Variants in PAM observed in about 807,000 individuals in gnomAD.
PAM encodes the protein peptidylglycine alpha-amidating monooxygenase, also known as peptidyl-glycine alpha-amidating monooxygenase.
PAM carries 72 observed loss-of-function variants against 122.1 expected under a neutral mutation model. The observed-to-expected ratio is 0.59, with a 90% confidence interval of 0.49 to 0.72. PAM has a LOEUF of 0.72. PAM is among the 30% of genes least tolerant of loss of function. PAM has a pLI of 0.00. For missense variants in PAM, 1,106 were observed against 1,183.7 expected, an observed-to-expected ratio of 0.93 and a Z score of 0.96; for synonymous variants, 389 against 404.4, an observed-to-expected ratio of 0.96 and a Z score of 0.46.
At chr5:103,005,635 T>A (rs1778729249) in intron 18 of PAM, among the ~76,000 whole-genome samples, 1 of 152,152 alleles carries the variant, frequency 6.6e-6, no homozygotes, top group African/African-American at 2.4e-5. Context: ...TTGTCCTGAT[T>A]ACCTCCCAAA....
intron 1 of PAM, among the ~76,000 whole-genome samples, chr5:102,772,665 A>G (rs1756123080): frequency 6.6e-6 from 1 of 152,148 alleles, no homozygotes; most frequent in South Asian, 2.1e-4. Context: ...GTCTTAGTTT[A>G]TAGCACTTAT....
intron 22 of PAM, among the ~76,000 whole-genome samples, chr5:103,018,512 C>T (rs1485500754): frequency 6.6e-6 from 1 of 152,128 alleles, no homozygotes; most frequent in Non-Finnish European, 1.5e-5. Context: ...TGCCCATGGA[C>T]TATGCCACTC....
chr5:102,855,107 T>G (rs1782293506), intron 1 of PAM, among the ~76,000 whole-genome samples: 1 of 152,182 alleles, frequency 6.6e-6, no homozygotes, highest in Non-Finnish European at 1.5e-5. Flanking sequence ...TGTTAATGAC[T>G]TCCAGATTAT....
At chr5:102,881,950 C>T (rs973518317) in intron 3 of PAM, among the ~76,000 whole-genome samples, 3 of 149,232 alleles carry the variant, frequency 2.0e-5, no homozygotes, top group Middle Eastern at 3.2e-3. Flanking sequence ...GTTTTCCATT[C>T]CTTAGTTACT....
At chr5:102,861,232 G>A (rs909596932) in intron 1 of PAM, among the ~76,000 whole-genome samples, 3 of 152,122 alleles carry the variant, frequency 2.0e-5, no homozygotes, top group African/African-American at 2.4e-5. Flanking sequence ...AGAGAACCTC[G>A]CAGCTAAGCT....
chr5:102,803,215 AAGGAAGGAAGGAAGGAAGGG>A (rs2150116718), intron 1 of PAM, among the ~76,000 whole-genome samples: 1 of 83,514 alleles, frequency 1.2e-5, no homozygotes, highest in Non-Finnish European at 2.7e-5. Flanking sequence ...GGAAAGAAGG[AAGGAAGGAAGGAAGGAAGGG>A]AAAAGTAATG....
rs755271884 is a variant in PAM, at chr5:103,028,938, G to T, written c.2795G>T (p.Gly932Val). ...GGTAATTTCTTTGCAAGCCGTAAGG[G>T]CTACAGTCGAAAAGGGTTTGACCGG... is the stretch of plus-strand genomic sequence containing the variant. ...NLGNFFASRK[G>V]YSRKGFDRLS... Residue 932 changes from glycine to valine, a missense_variant, in exon 26 of 26, where the codon GGC (glycine) becomes GTC (valine). Gly to Val is a moderately radical substitution (Grantham distance 109). Transcript: ENST00000438793. 5 of 1,613,652 alleles carry T rather than the reference G, an allele frequency of 3.1e-6. No homozygotes were observed. In the Admixed American group the frequency reaches 8.3e-5, roughly 27 times the overall value.
At chr5:102,763,768 A>G (rs1348001809) in intron 1 of PAM, among the ~76,000 whole-genome samples, 3 of 152,222 alleles carry the variant, frequency 2.0e-5, no homozygotes, top group African/African-American at 7.2e-5. Flanking sequence ...GAGAAGAGCT[A>G]CTGTGAGGCT....
intron 1 of PAM, among the ~76,000 whole-genome samples, chr5:102,815,557 C>G (rs889517763): frequency 3.3e-5 from 5 of 152,148 alleles, no homozygotes; most frequent in African/African-American, 9.7e-5. Flanking sequence ...AGTATCCTGC[C>G]CATCCTCTGG....
intron 15 of PAM, among the ~76,000 whole-genome samples, chr5:102,984,822 T>C (rs1771208282): frequency 1.3e-5 from 2 of 152,126 alleles, no homozygotes; most frequent in Admixed American, 6.5e-5. Flanking sequence ...GGATAGACCA[T>C]GTGTTAGGCC....
At chr5:102,880,817 A>G (rs999972915) in intron 3 of PAM, among the ~76,000 whole-genome samples, 6 of 152,168 alleles carry the variant, frequency 3.9e-5, no homozygotes, top group Non-Finnish European at 7.4e-5. Context: ...ACAAGCTAAA[A>G]ATAATAAATA....
At chr5:102,885,094 T>TATAA (rs60241746) in intron 3 of PAM, among the ~76,000 whole-genome samples, 2 of 147,790 alleles carry the variant, frequency 1.4e-5, no homozygotes, top group African/African-American at 2.6e-5. Flanking sequence ...TATATATATA[T>TATAA]AACTATAAAA....
chr5:103,028,348 C>G, intron 25 of PAM, 110 bp downstream of exon 25: 1 of 763,872 alleles, frequency 1.3e-6, no homozygotes, highest in South Asian at 1.6e-5. Context: ...GATAAAGCAC[C>G]TTGTATGCAG....
At chr5:102,789,720 T>C (rs1761552624) in intron 1 of PAM, among the ~76,000 whole-genome samples, 1 of 152,094 alleles carries the variant, frequency 6.6e-6, no homozygotes, top group Non-Finnish European at 1.5e-5. Context: ...ATGGTGGTAA[T>C]GGTTGTGCAA....
chr5:102,758,073 GTTTTTTTTTTTTTTT>G (rs1168917285), intron 1 of PAM, among the ~76,000 whole-genome samples: 106 of 24,820 alleles, frequency 4.3e-3, no homozygotes, highest in Middle Eastern at 0.053. Flanking sequence ...TTAGAATTTT[GTTTTTTTTTTTTTTT>G]TTTTTTTTTT....
chr5:102,840,146 G>A (rs1324489918), intron 1 of PAM, among the ~76,000 whole-genome samples: 2 of 152,066 alleles, frequency 1.3e-5, no homozygotes, highest in Non-Finnish European at 2.9e-5. Flanking sequence ...TTAATACATT[G>A]TATTTTCTTA....
chr5:102,983,445 C>CAAAAAAAAAA (rs1770595835), intron 15 of PAM, among the ~76,000 whole-genome samples: 1 of 14,724 alleles, frequency 6.8e-5, no homozygotes, highest in African/African-American at 3.3e-4. Flanking sequence ...GTGAGACTGT[C>CAAAAAAAAAA]CAAAAAAAAA....
At chr5:102,844,302 C>T (rs918654280) in intron 1 of PAM, among the ~76,000 whole-genome samples, 1 of 152,154 alleles carries the variant, frequency 6.6e-6, no homozygotes, top group Non-Finnish European at 1.5e-5. Flanking sequence ...GTACTATGGT[C>T]ATACAAGATG....
rs775640951 is a variant in PAM at position 103,028,223 on chromosome 5, C to T, written c.2728C>T (p.Leu910=). The part of the protein sequence containing the change: ...HKLETSSGRV[L]GRFRGKGSGG... The stretch of plus-strand genomic sequence containing the variant: ...ACTCGAGACGAGTTCAGGAAGAGTA[C>T]TGGGAAGATTTAGAGGTATGCCTAT... The change falls in exon 25 of 26, where the codon CTG becomes TTG. Residue 910 remains leucine (L), a synonymous_variant. Transcript: ENST00000438793. 6.2e-7 allele frequency: 1 copy of T among 1,611,240 alleles called. No individual in the cohort carries two copies. Among genetic ancestry groups the T allele is most frequent in the Non-Finnish European group, 8.5e-7 (1 of 1,177,644 alleles).
Sources: gnomAD v4.1 joint callset for allele counts (sites outside exome capture counted in the v4.1 genomes callset) on GRCh38, gnomAD v4.1.1 for gene constraint, MANE v1.5 for transcripts, NCBI Gene and HGNC (gene_info 2026-07-23, HGNC 2026-07-21) for gene names.